Variants in CTIF observed in about 807,000 individuals in gnomAD.
The protein encoded by CTIF is cap binding complex dependent translation initiation factor.
A neutral mutation model predicts 66.0 loss-of-function variants in CTIF; 21 were observed. The ratio of observed to expected loss-of-function variants is 0.32; its 90% CI spans 0.23 to 0.46. CTIF has a LOEUF of 0.46. Among genes scored for constraint, CTIF ranks in the 20% least tolerant of loss-of-function variants. The pLI is 1.00. For missense variants in CTIF, 739 were observed against 812.7 expected (o/e 0.91, Z 1.10); for synonymous variants, 345 against 326.4 (o/e 1.06, Z -0.62).
intron 7 of CTIF, among the ~76,000 whole-genome samples, chr18:48,741,285 C>CT (rs1180605568): frequency 6.9e-6 from 1 of 144,480 alleles, no homozygotes. Flanking sequence ...CCCCCGCCCC[C>CT]CCTCCTTGGT....
At chr18:48,855,962 C>T (rs561374366) in intron 10 of CTIF, among the ~76,000 whole-genome samples, 8 of 152,212 alleles carry the variant, frequency 5.3e-5, no homozygotes, top group South Asian at 4.1e-4. Flanking sequence ...TTCGTGCAGA[C>T]GAGCTAGATG....
intron 1 of CTIF, among the ~76,000 whole-genome samples, chr18:48,592,784 C>G (rs1599203603): frequency 6.6e-6 from 1 of 152,304 alleles, no homozygotes; most frequent in Middle Eastern, 3.4e-3. Context: ...ACTAATCGCT[C>G]TCATCAGCCG....
chr18:48,559,912 G>A (rs2089113952), intron 1 of CTIF, among the ~76,000 whole-genome samples: 1 of 152,114 alleles, frequency 6.6e-6, no homozygotes, highest in South Asian at 2.1e-4. Context: ...TGCAATATAT[G>A]CATGTAGGAA....
chr18:48,762,332 A>G (rs1245405267), intron 9 of CTIF, among the ~76,000 whole-genome samples: 1 of 152,198 alleles, frequency 6.6e-6, no homozygotes, highest in Admixed American at 6.5e-5. Flanking sequence ...TGGTTCTATC[A>G]GCATGAGTGT....
intron 9 of CTIF, among the ~76,000 whole-genome samples, chr18:48,775,541 G>A (rs925129527): frequency 1.2e-4 from 18 of 152,348 alleles, no homozygotes; most frequent in South Asian, 1.0e-3. Flanking sequence ...CTCTCCAAGG[G>A]GCCCTGGGAC....
chr18:48,841,859 C>A (rs1298313211), intron 10 of CTIF, among the ~76,000 whole-genome samples: 3 of 152,162 alleles, frequency 2.0e-5, no homozygotes, highest in Non-Finnish European at 2.9e-5. Context: ...CAGACTGTTT[C>A]CTTCTGGGGC....
At position 48,646,637 on chromosome 18, in the gene CTIF, C is replaced by T. The variant is rs1310615309; in HGVS notation, c.252+9952C>T. On this transcript the variant is annotated intron_variant, in intron 3 of 11. Coordinates refer to ENST00000256413, the MANE Select transcript of CTIF (RefSeq NM_014772.3). ...TGGCACATACCTGTGGTTCCAGCTG[C>T]TCGGAAGGCTGAGGTAGGAGGATCA... Among the ~76,000 whole-genome samples, 4 of 151,540 alleles carry T rather than the reference C, an allele frequency of 2.6e-5. No individual in the cohort carries two copies. In the South Asian group the frequency reaches 6.2e-4, roughly 24 times the overall value.
intron 10 of CTIF, among the ~76,000 whole-genome samples, chr18:48,845,773 A>AT (rs1334833937): frequency 6.6e-6 from 1 of 152,098 alleles, no homozygotes. Flanking sequence ...CCTTCCCAAT[A>AT]TTGTTGATGG....
At chr18:48,853,887 G>T (rs2146648698) in intron 10 of CTIF, among the ~76,000 whole-genome samples, 1 of 152,340 alleles carries the variant, frequency 6.6e-6, no homozygotes, top group Middle Eastern at 3.4e-3. Flanking sequence ...CCCCAGGGTT[G>T]GCTGGGCATG....
chr18:48,692,533 C>G (rs1568141332), intron 6 of CTIF: 1 of 152,178 alleles, frequency 6.6e-6, no homozygotes, highest in African/African-American at 2.4e-5. Flanking sequence ...TTTGCTTTCT[C>G]AGAACATGGT....
chr18:48,563,460 G>GT (rs975007134), intron 1 of CTIF, among the ~76,000 whole-genome samples: 20 of 151,970 alleles, frequency 1.3e-4, no homozygotes, highest in African/African-American at 4.1e-4. Flanking sequence ...CTGTTCTAAG[G>GT]TTTTTTTTGT....
intron 3 of CTIF, among the ~76,000 whole-genome samples, chr18:48,644,279 T>C (rs1490254945): frequency 6.6e-6 from 1 of 152,144 alleles, no homozygotes; most frequent in African/African-American, 2.4e-5. Context: ...CACTGGGCAC[T>C]GGGATGGTGA....
intron 6 of CTIF, among the ~76,000 whole-genome samples, chr18:48,684,339 C>G (rs1051230518): frequency 2.6e-5 from 4 of 152,132 alleles, no homozygotes; most frequent in Admixed American, 2.0e-4. Context: ...CTTTCTACCC[C>G]CTGCGTCCTC....
chr18:48,639,469 T>C (rs1183198024), intron 3 of CTIF, among the ~76,000 whole-genome samples: 1 of 151,916 alleles, frequency 6.6e-6, no homozygotes, highest in Admixed American at 6.6e-5. Context: ...CCTGGGCAGG[T>C]GCACAGAGGA....
intron 9 of CTIF, among the ~76,000 whole-genome samples, chr18:48,784,655 C>T (rs769845864): frequency 6.6e-6 from 1 of 152,052 alleles, no homozygotes; most frequent in Non-Finnish European, 1.5e-5. Flanking sequence ...CTATTGGAGC[C>T]TCCTGGGAGA....
chr18:48,604,343 A>G (rs1412122522), intron 1 of CTIF, among the ~76,000 whole-genome samples: 1 of 149,662 alleles, frequency 6.7e-6, no homozygotes, highest in Non-Finnish European at 1.5e-5. Flanking sequence ...TGCCTGCCTA[A>G]TTTTTTGTAT....
intron 5 of CTIF, among the ~76,000 whole-genome samples, chr18:48,669,596 A>G (rs949379243): frequency 2.0e-5 from 3 of 151,692 alleles, no homozygotes; most frequent in Non-Finnish European, 2.9e-5. Context: ...AACAGCAACA[A>G]TATTAGTGGT....
rs139205868 is a variant in CTIF at position 48,796,369 on chromosome 18, G to T, written c.1372-20852G>T. On this transcript the variant is annotated intron_variant, in intron 9 of 11. Coordinates refer to ENST00000256413, the MANE Select transcript of CTIF (RefSeq NM_014772.3). The stretch of plus-strand genomic sequence containing the variant: ...TTTTTTGTATTTTTAGTAGAAACGG[G>T]GTTTCACCATGTTAGCCAGGATGGT... Among the ~76,000 whole-genome samples, 128 of 152,078 alleles carry T rather than the reference G, an allele frequency of 8.4e-4. 1 individual carries two copies. Among genetic ancestry groups the T allele is most frequent in the African/African-American group, 2.9e-3 (119 of 41,460 alleles).
At chr18:48,647,464 A>G (rs897769048) in intron 3 of CTIF, among the ~76,000 whole-genome samples, 4 of 152,236 alleles carry the variant, frequency 2.6e-5, no homozygotes, top group African/African-American at 7.2e-5. Flanking sequence ...GGATGAAGAG[A>G]CAAGTTACAT....
Sources: allele counts gnomAD v4.1 joint callset (sites outside exome capture counted in the v4.1 genomes callset), GRCh38; gene constraint gnomAD v4.1.1; transcripts MANE v1.5; gene names NCBI Gene and HGNC (gene_info 2026-07-23, HGNC 2026-07-21).